The following GALNT14 variants were observed in gnomAD, a reference collection of about 807,000 sequenced individuals.
GALNT14 encodes the protein UDP-GalNAc:polypeptide N-acetylgalactosaminyltransferase 14.
A neutral mutation model predicts 77.5 loss-of-function variants in GALNT14; 60 were observed. The ratio of observed to expected loss-of-function variants is 0.77; its 90% CI spans 0.63 to 0.96. GALNT14 has a LOEUF of 0.96. Among genes scored for constraint, GALNT14 ranks in the 40% least tolerant of loss-of-function variants. The pLI is 0.00. For synonymous variants in GALNT14, 280 were observed against 281.7 expected, an observed-to-expected ratio of 0.99 and a Z score of 0.06; for missense variants, 710 against 731.0, an observed-to-expected ratio of 0.97 and a Z score of 0.33.
intron 1 of GALNT14, among the ~76,000 whole-genome samples, chr2:31,102,992 T>G (rs1312132723): frequency 6.6e-6 from 1 of 152,178 alleles, no homozygotes; most frequent in Non-Finnish European, 1.5e-5. Context: ...CTCATCCTTT[T>G]ATTTTCAACC....
intron 2 of GALNT14, among the ~76,000 whole-genome samples, chr2:30,967,942 C>T (rs546946995): frequency 5.3e-5 from 8 of 152,346 alleles, no homozygotes; most frequent in South Asian, 2.1e-4. Flanking sequence ...CATGGAGCAA[C>T]GTCCTTTCTC....
intron 3 of GALNT14, among the ~76,000 whole-genome samples, chr2:30,962,622 G>C (rs1285075331): frequency 1.3e-5 from 2 of 152,182 alleles, no homozygotes; most frequent in Non-Finnish European, 1.5e-5. Flanking sequence ...TCAAGGTCAT[G>C]CTTCTCTACA....
At chr2:31,129,718 G>A (rs1678884568) in intron 1 of GALNT14, 1 of 820,560 alleles carries the variant, frequency 1.2e-6, no homozygotes. Flanking sequence ...CTATGGCTGG[G>A]AGGTGGGGGG....
At position 30,911,119 on chromosome 2, in the gene GALNT14, G is replaced by T. The variant is rs1039250567; in HGVS notation, c.1501-60C>A. 6.5e-6 allele frequency: 10 copies of T among 1,530,532 alleles called. No homozygotes were observed. The African/African-American group carries it at 1.4e-4, about 21-fold the overall frequency. 94.8% of individuals were successfully genotyped at this position (1,530,532 alleles called of 1,614,324 possible). A position where few individuals can be genotyped will look rare whatever the true frequency, so the allele number is the denominator to read the frequency against. The stretch of plus-strand genomic sequence containing the variant: ...TGCCATCAGTAACATGGGAGTTCCA[G>T]CTTTATCAGAAAGGTAGGTGCCTCA... On this transcript the variant is annotated intron_variant, in intron 14 of 14. Transcript: ENST00000349752.
chr2:31,059,516 C>A (rs906787391), intron 1 of GALNT14, among the ~76,000 whole-genome samples: 1 of 152,022 alleles, frequency 6.6e-6, no homozygotes, highest in African/African-American at 2.4e-5. Context: ...GGGGGAGGAA[C>A]CTTATGAATG....
At chr2:30,910,212 A>AT (rs201812027), downstream of GALNT14, among the ~76,000 whole-genome samples, 1,842 of 151,916 alleles carry the variant, frequency 0.012, 32 homozygotes, top group African/African-American at 0.042. Context: ...AAGTATAATA[A>AT]TAAAAAAAAA....
intron 2 of GALNT14, among the ~76,000 whole-genome samples, chr2:30,971,044 C>T (rs1668321908): frequency 6.6e-6 from 1 of 152,096 alleles, no homozygotes; most frequent in Non-Finnish European, 1.5e-5. Flanking sequence ...AGGCACCTGC[C>T]TTGGAGCCCT....
At chr2:31,076,080 T>C (rs1206921531) in intron 1 of GALNT14, among the ~76,000 whole-genome samples, 1 of 152,176 alleles carries the variant, frequency 6.6e-6, no homozygotes, top group Non-Finnish European at 1.5e-5. Flanking sequence ...CCAGCAGTCT[T>C]GGAAACCACT....
intron 13 of GALNT14, among the ~76,000 whole-genome samples, chr2:30,915,302 C>G (rs1432493514): frequency 6.6e-6 from 1 of 152,012 alleles, no homozygotes; most frequent in Admixed American, 6.6e-5. Flanking sequence ...CTGGTGTGTC[C>G]CCAGGCCGGG....
At chr2:31,104,967 TG>T (rs1484159273) in intron 1 of GALNT14, among the ~76,000 whole-genome samples, 1 of 152,190 alleles carries the variant, frequency 6.6e-6, no homozygotes, top group African/African-American at 2.4e-5. Flanking sequence ...CTATTTCTTA[TG>T]AAACCTCCAC....
At chr2:31,135,917 A>T (rs1446632039) in intron 1 of GALNT14, among the ~76,000 whole-genome samples, 1 of 152,214 alleles carries the variant, frequency 6.6e-6, no homozygotes, top group East Asian at 1.9e-4. Flanking sequence ...GCAGGAGAGG[A>T]GGAGGGACAA....
intron 13 of GALNT14, among the ~76,000 whole-genome samples, chr2:30,918,719 C>T (rs1361126306): frequency 3.9e-5 from 3 of 76,184 alleles, no homozygotes; most frequent in Non-Finnish European, 7.5e-5. Flanking sequence ...AGGGTGGCAT[C>T]GGGCAGGGAG....
intron 1 of GALNT14, among the ~76,000 whole-genome samples, chr2:31,076,212 T>C (rs1305399912): frequency 2.6e-5 from 4 of 152,194 alleles, no homozygotes; most frequent in Non-Finnish European, 5.9e-5. Context: ...ATTTATTGAG[T>C]ACCCACCATG....
chr2:30,952,117 T>A (rs1455917886), intron 6 of GALNT14, among the ~76,000 whole-genome samples: 3 of 152,172 alleles, frequency 2.0e-5, no homozygotes, highest in African/African-American at 7.2e-5. Flanking sequence ...AGAAAATGCT[T>A]ATGTATAACA....
intron 1 of GALNT14, among the ~76,000 whole-genome samples, chr2:31,046,108 T>G (rs12621518): frequency 0.32 from 47,977 of 152,026 alleles, 7,904 homozygotes; most frequent in East Asian, 0.45. Flanking sequence ...ATGAGGTAGG[T>G]GCTGTTACCA....
intron 13 of GALNT14, among the ~76,000 whole-genome samples, chr2:30,915,048 A>C (rs541781541): frequency 6.6e-6 from 1 of 152,362 alleles, no homozygotes; most frequent in East Asian, 1.9e-4. Context: ...TATTTCAAAA[A>C]TGAATCCTGC....
At chr2:31,048,810 T>A (rs1673656158) in intron 1 of GALNT14, among the ~76,000 whole-genome samples, 1 of 152,022 alleles carries the variant, frequency 6.6e-6, no homozygotes, top group South Asian at 2.1e-4. Flanking sequence ...CAACTCCCTA[T>A]CCCAAACCCC....
At chr2:31,077,812 C>T (rs1487911799) in intron 1 of GALNT14, among the ~76,000 whole-genome samples, 1 of 152,238 alleles carries the variant, frequency 6.6e-6, no homozygotes, top group East Asian at 1.9e-4. Context: ...AGCCACATCA[C>T]TTCCCAGTTT....
At chr2:31,073,639 G>C (rs1675572142) in intron 1 of GALNT14, among the ~76,000 whole-genome samples, 1 of 152,100 alleles carries the variant, frequency 6.6e-6, no homozygotes. Context: ...GGGCAGGAAA[G>C]TGAAAGAAAG....
Sources: gnomAD v4.1 joint callset for allele counts (sites outside exome capture counted in the v4.1 genomes callset) on GRCh38, gnomAD v4.1.1 for gene constraint, MANE v1.5 for transcripts, NCBI Gene and HGNC (gene_info 2026-07-23, HGNC 2026-07-21) for gene names.